AKAP13: variants seen among roughly 807,000 people sequenced by gnomAD.
AKAP13 encodes A-kinase anchoring protein 13.
A neutral mutation model predicts 264.5 loss-of-function variants in AKAP13; 80 were observed. The ratio of observed to expected loss-of-function variants is 0.30; its 90% CI spans 0.25 to 0.36. AKAP13 has a LOEUF of 0.36. AKAP13 is among the 10% of genes least tolerant of loss of function. The probability of loss-of-function intolerance (pLI) is 1.00; values close to 1 mark genes in which losing one functional copy is unlikely to be tolerated. For synonymous variants in AKAP13, 1,380 were observed against 1,250.2 expected (o/e 1.10, Z -2.19); for missense variants, 3,712 against 3,435.2 (o/e 1.08, Z -2.01).
chr15:85,692,097 C>G (rs145496077), intron 16 of AKAP13, among the ~76,000 whole-genome samples: 1 of 152,120 alleles, frequency 6.6e-6, no homozygotes, highest in Non-Finnish European at 1.5e-5. Context: ...TCCTGTCATC[C>G]GTGCATTCTC....
At chr15:85,717,740 A>G (rs142078633) in intron 21 of AKAP13, among the ~76,000 whole-genome samples, 70 of 152,350 alleles carry the variant, frequency 4.6e-4, no homozygotes, top group Middle Eastern at 6.8e-3. Flanking sequence ...GTCCCTTCCA[A>G]TTCTTAACTT....
intron 5 of AKAP13, among the ~76,000 whole-genome samples, chr15:85,566,691 G>C (rs973043583): frequency 2.0e-5 from 3 of 147,832 alleles, no homozygotes; most frequent in African/African-American, 7.5e-5. Context: ...CAGTGGTGCA[G>C]CCTCGACTCA....
At chr15:85,736,268 T>C in intron 33 of AKAP13, 134 bp downstream of exon 33, 1 of 696,960 alleles carries the variant, frequency 1.4e-6, no homozygotes, top group Non-Finnish European at 2.4e-6. Context: ...TCTGTATGTG[T>C]AAACAATACA....
intron 2 of AKAP13, among the ~76,000 whole-genome samples, chr15:85,502,234 G>A (rs2076056689): frequency 6.6e-6 from 1 of 152,140 alleles, no homozygotes; most frequent in South Asian, 2.1e-4. Flanking sequence ...CCCTACTGTG[G>A]GAGGCTTAGA....
chr15:85,474,002 A>T (rs1248909086), intron 1 of AKAP13, among the ~76,000 whole-genome samples: 5 of 152,232 alleles, frequency 3.3e-5, no homozygotes, highest in Admixed American at 3.3e-4. Flanking sequence ...GAACAGCAGA[A>T]TCCTTAAGAA....
chr15:85,704,918 C>G (rs759571724), intron 17 of AKAP13, among the ~76,000 whole-genome samples: 3 of 152,180 alleles, frequency 2.0e-5, no homozygotes, highest in Non-Finnish European at 4.4e-5. Flanking sequence ...AGCTCTAAAA[C>G]TGTCACTGTG....
At chr15:85,650,830 T>C (rs2082800457) in intron 10 of AKAP13, among the ~76,000 whole-genome samples, 1 of 141,326 alleles carries the variant, frequency 7.1e-6, no homozygotes, top group Admixed American at 7.3e-5. Context: ...GTGCTGAAAT[T>C]ATTAAAAACT....
At chr15:85,420,142 C>A (rs369298777) in intron 1 of AKAP13, among the ~76,000 whole-genome samples, 1 of 151,688 alleles carries the variant, frequency 6.6e-6, no homozygotes. Flanking sequence ...GGGGTTTCAC[C>A]GCTTTAGCCG....
intron 1 of AKAP13, among the ~76,000 whole-genome samples, chr15:85,438,889 A>G (rs1361700571): frequency 6.7e-6 from 1 of 149,012 alleles, no homozygotes; most frequent in African/African-American, 2.5e-5. Context: ...AGGCATTACC[A>G]TTCAGGACAT....
intron 5 of AKAP13, among the ~76,000 whole-genome samples, chr15:85,571,922 A>G (rs2078831939): frequency 6.6e-6 from 1 of 152,242 alleles, no homozygotes; most frequent in Admixed American, 6.5e-5. Context: ...CCCCAGGGAC[A>G]TGAATTGGGA....
intron 8 of AKAP13, among the ~76,000 whole-genome samples, chr15:85,635,682 T>G (rs923893196): frequency 6.6e-6 from 1 of 152,132 alleles, no homozygotes. Context: ...AGTTTTATAG[T>G]TTTAGGTTGA....
intron 4 of AKAP13, among the ~76,000 whole-genome samples, chr15:85,538,710 C>T (rs1421183478): frequency 1.3e-5 from 2 of 151,104 alleles, no homozygotes; most frequent in East Asian, 2.0e-4. Flanking sequence ...AGGATGGTCT[C>T]GATCTCCTGA....
At chr15:85,570,680 C>A (rs1410923165) in intron 5 of AKAP13, among the ~76,000 whole-genome samples, 1 of 152,166 alleles carries the variant, frequency 6.6e-6, no homozygotes, top group African/African-American at 2.4e-5. Flanking sequence ...TCCCCTCCTA[C>A]TCCTGAGTTG....
intron 8 of AKAP13, among the ~76,000 whole-genome samples, chr15:85,619,196 C>G (rs776185057): frequency 7.9e-5 from 12 of 151,828 alleles, no homozygotes; most frequent in Admixed American, 2.0e-4. Flanking sequence ...GAAAAGGAAG[C>G]CTTGTTTTTC....
chr15:85,630,154 T>G (rs1596794006), intron 8 of AKAP13, among the ~76,000 whole-genome samples: 2 of 147,490 alleles, frequency 1.4e-5, no homozygotes, highest in South Asian at 2.2e-4. Flanking sequence ...CTATTCTCTG[T>G]TTTTTAACAC....
At chr15:85,425,898 T>C (rs2072755253) in intron 1 of AKAP13, among the ~76,000 whole-genome samples, 1 of 151,542 alleles carries the variant, frequency 6.6e-6, no homozygotes. Flanking sequence ...AGAAACAAGA[T>C]CGGTTTAAAA....
At chr15:85,385,149 T>C (rs2070490253) in intron 1 of AKAP13, among the ~76,000 whole-genome samples, 1 of 152,210 alleles carries the variant, frequency 6.6e-6, no homozygotes. Context: ...ATATTTACTA[T>C]CTGGGCTTTT....
intron 13 of AKAP13, among the ~76,000 whole-genome samples, chr15:85,667,094 T>C (rs2083647292): frequency 6.6e-6 from 1 of 152,222 alleles, no homozygotes; most frequent in South Asian, 2.1e-4. Flanking sequence ...AATCTAATGA[T>C]ACATTTCTAA....
At chr15:85,632,604 T>C (rs1240452472) in intron 8 of AKAP13, among the ~76,000 whole-genome samples, 5 of 152,220 alleles carry the variant, frequency 3.3e-5, no homozygotes, top group African/African-American at 9.6e-5. Context: ...ATCACTGTTA[T>C]TATGTTCTCA....
Sources: gnomAD v4.1 joint callset for allele counts (sites outside exome capture counted in the v4.1 genomes callset) on GRCh38, gnomAD v4.1.1 for gene constraint, MANE v1.5 for transcripts, NCBI Gene and HGNC (gene_info 2026-07-23, HGNC 2026-07-21) for gene names.